Variants in FER observed in about 807,000 individuals in gnomAD.
FER encodes FER tyrosine kinase.
FER carries 63 observed loss-of-function variants against 111.0 expected under a neutral mutation model. That is an observed-to-expected ratio of 0.57 (90% CI 0.46 to 0.70). The LOEUF (loss-of-function observed/expected upper bound fraction) is 0.70. FER is among the 30% of genes least tolerant of loss of function. FER has a pLI of 0.00. For missense variants in FER, 914 were observed against 954.0 expected, an observed-to-expected ratio of 0.96 and a Z score of 0.55; for synonymous variants, 327 against 313.9, an observed-to-expected ratio of 1.04 and a Z score of -0.44.
intron 13 of FER, among the ~76,000 whole-genome samples, chr5:109,005,728 A>G (rs1353645812): frequency 1.3e-5 from 2 of 152,190 alleles, no homozygotes; most frequent in East Asian, 1.9e-4. Context: ...CTGAACACAC[A>G]AGAGTTTAAA....
chr5:109,016,711 C>T (rs1767181257), intron 13 of FER, among the ~76,000 whole-genome samples: 1 of 151,986 alleles, frequency 6.6e-6, no homozygotes, highest in African/African-American at 2.4e-5. Flanking sequence ...TGTTTAGAAT[C>T]TATTCTTTAT....
intron 9 of FER, 100 bp from the exon 10 acceptor site, chr5:108,897,558 CT>C: frequency 1.2e-6 from 1 of 859,042 alleles, no homozygotes; most frequent in Non-Finnish European, 1.6e-6. Flanking sequence ...CTAAAGGGCT[CT>C]TATAAAAATG....
At chr5:108,794,704 C>T (rs1393013053) in intron 2 of FER, among the ~76,000 whole-genome samples, 1 of 151,722 alleles carries the variant, frequency 6.6e-6, no homozygotes, top group Non-Finnish European at 1.5e-5. Flanking sequence ...TCAAATATTT[C>T]ATGCCACTCT....
chr5:109,035,958 A>G (rs1770334055), intron 13 of FER, among the ~76,000 whole-genome samples: 1 of 152,122 alleles, frequency 6.6e-6, no homozygotes, highest in Non-Finnish European at 1.5e-5. Flanking sequence ...TTTGTTCATC[A>G]TCTTTTCTGA....
rs1485282906 is a variant in FER, at chr5:108,817,096, ACT to A, written c.208-15673_208-15672del. On this transcript the variant is annotated intron_variant, in intron 3 of 19. Coordinates refer to ENST00000281092, the MANE Select transcript of FER (RefSeq NM_005246.4). ...TCCATCCTGGGCAACAGAGCAAGAC[ACT>A]GTCTCAAAAAAAAAAAAAAAAAAAA... is the stretch of plus-strand genomic sequence containing the variant. Among the ~76,000 whole-genome samples, 304 of 105,442 alleles carry A rather than the reference ACT, an allele frequency of 2.9e-3. 1 individual carries two copies. Among genetic ancestry groups the A allele is most frequent in the Middle Eastern group, 6.5e-3 (1 of 154 alleles). 69.2% of individuals were successfully genotyped at this position (105,442 alleles called of 152,430 possible).
intron 17 of FER, among the ~76,000 whole-genome samples, chr5:109,177,144 A>G (rs2126833221): frequency 6.6e-6 from 1 of 152,328 alleles, no homozygotes; most frequent in African/African-American, 2.4e-5. Context: ...TGTATTTTTA[A>G]AAGTTGGTGC....
chr5:109,027,776 C>T lies in FER; in HGVS notation c.1657-9646C>T, dbSNP rs146835525. On this transcript the variant is annotated intron_variant, in intron 13 of 19. Transcript: ENST00000281092. ...GTCTTCAGCAGGTGAACAAAGGAGA[C>T]GTTGCTTATTTGATAGTTGTTCACT... Among the ~76,000 whole-genome samples the T allele has an allele frequency of 5.3e-5, 8 of 152,090 alleles. No individual in the cohort carries two copies. The East Asian group carries it at 1.4e-3, about 26-fold the overall frequency.
intron 16 of FER, among the ~76,000 whole-genome samples, chr5:109,083,491 G>T (rs938742659): frequency 6.6e-6 from 1 of 151,982 alleles, no homozygotes; most frequent in Admixed American, 6.6e-5. Flanking sequence ...TTAACCCAAA[G>T]ATTGTAATGA....
intron 3 of FER, among the ~76,000 whole-genome samples, chr5:108,824,002 C>T (rs1464707447): frequency 2.0e-5 from 3 of 152,030 alleles, no homozygotes; most frequent in Non-Finnish European, 4.4e-5. Context: ...TGTGGATATC[C>T]AGTTTTCCCA....
intron 17 of FER, among the ~76,000 whole-genome samples, chr5:109,160,005 G>C (rs138916696): frequency 6.6e-6 from 1 of 152,270 alleles, no homozygotes; most frequent in East Asian, 1.9e-4. Context: ...CTTAAACCTT[G>C]TAAGAGCATC....
In FER at chr5:108,847,974, A is replaced by C. The variant is rs570980919; in HGVS notation, c.481+12167A>C. Among the ~76,000 whole-genome samples, 8 of 152,068 alleles carry C rather than the reference A, an allele frequency of 5.3e-5. 1 individual carries two copies. The South Asian group carries it at 1.7e-3, about 32-fold the overall frequency. ...GCGATCATAGCTCGCTGCAGCCTCGAACTCCTGGGCTCAAGTAATCCTCCT... is the reference window on the plus strand; with the variant it reads ...GCGATCATAGCTCGCTGCAGCCTCGCACTCCTGGGCTCAAGTAATCCTCCT... On this transcript the variant is annotated intron_variant, in intron 5 of 19. Transcript: ENST00000281092.
At chr5:109,070,094 G>A (rs1775591176) in intron 16 of FER, among the ~76,000 whole-genome samples, 1 of 151,364 alleles carries the variant, frequency 6.6e-6, no homozygotes, top group African/African-American at 2.4e-5. Context: ...GTTTTTTGGA[G>A]TAATTATTAC....
chr5:108,959,466 T>C, intron 13 of FER, 119 bp downstream of exon 13: 1 of 1,003,398 alleles, frequency 1.0e-6, no homozygotes, highest in Non-Finnish European at 1.4e-6. Context: ...AAAAGTTTTG[T>C]TTTTGTTTTT....
intron 5 of FER, among the ~76,000 whole-genome samples, chr5:108,855,253 AAT>A (rs1762884965): frequency 6.6e-6 from 1 of 152,180 alleles, no homozygotes; most frequent in African/African-American, 2.4e-5. Flanking sequence ...CATTACCAGT[AAT>A]ATAAATGAAG....
intron 9 of FER, among the ~76,000 whole-genome samples, chr5:108,886,896 T>C (rs1396528011): frequency 6.6e-6 from 1 of 151,812 alleles, no homozygotes; most frequent in African/African-American, 2.4e-5. Context: ...TTGAATTATA[T>C]GTTAACATAT....
chr5:108,919,332 A>T (rs889944410), intron 10 of FER, among the ~76,000 whole-genome samples: 7 of 151,748 alleles, frequency 4.6e-5, no homozygotes, highest in African/African-American at 1.7e-4. Context: ...GGTTTTAGAG[A>T]TGAGTAAAGA....
chr5:108,996,965 A>G (rs576999859), intron 13 of FER, among the ~76,000 whole-genome samples: 2 of 152,184 alleles, frequency 1.3e-5, no homozygotes, highest in African/African-American at 2.4e-5. Flanking sequence ...TTCTCCTTAA[A>G]GACGTCCTTC....
At chr5:108,964,632 A>T (rs891746990) in intron 13 of FER, among the ~76,000 whole-genome samples, 3 of 152,196 alleles carry the variant, frequency 2.0e-5, no homozygotes, top group Non-Finnish European at 4.4e-5. Flanking sequence ...ATTAATACAT[A>T]TCATCTTAAA....
chr5:109,044,239 C>T (rs111482288), intron 14 of FER, among the ~76,000 whole-genome samples: 6,881 of 149,852 alleles, frequency 0.046, 250 homozygotes, highest in South Asian at 0.11. Context: ...AGTGCAGTGG[C>T]GCAATCTCTG....
Sources: allele counts gnomAD v4.1 joint callset (sites outside exome capture counted in the v4.1 genomes callset), GRCh38; gene constraint gnomAD v4.1.1; transcripts MANE v1.5; gene names NCBI Gene and HGNC (gene_info 2026-07-23, HGNC 2026-07-21).